RCAN2: variants seen among roughly 807,000 people sequenced by gnomAD.
The protein encoded by RCAN2 is regulator of calcineurin 2, also known as calcipressin-2.
In RCAN2, 9 loss-of-function variants were observed where a neutral mutation model predicts 23.6. The observed-to-expected ratio is 0.38, with a 90% CI of 0.23 to 0.67. The LOEUF (loss-of-function observed/expected upper bound fraction) is 0.67. Ranked by LOEUF, RCAN2 falls within the 30% of genes least tolerant of loss-of-function variation. RCAN2 has a pLI of 0.51. For synonymous variants in RCAN2, 109 were observed against 115.7 expected, an observed-to-expected ratio of 0.94 and a Z score of 0.37; for missense variants, 273 against 302.3, an observed-to-expected ratio of 0.90 and a Z score of 0.72.
At position 46,351,593 on chromosome 6, in the gene RCAN2, G is replaced by A. The variant is rs185356996; in HGVS notation, c.226-102697C>T. Among the ~76,000 whole-genome samples the A allele has an allele frequency of 5.3e-5, 8 of 152,284 alleles. No individual in the cohort carries two copies. The East Asian group carries it at 1.5e-3, about 29-fold the overall frequency. Reference sequence around the variant, plus strand: ...AGATACACAGGTGAGAAATTTAATAGCTCCTCTAGTAAACAGCACACATCA... The same window carrying A: ...AGATACACAGGTGAGAAATTTAATAACTCCTCTAGTAAACAGCACACATCA... On this transcript the variant is annotated intron_variant, in intron 2 of 4. Coordinates refer to ENST00000371374, the MANE Select transcript of RCAN2 (RefSeq NM_001251974.2).
chr6:46,398,312 A>T (rs1766150344), intron 2 of RCAN2, among the ~76,000 whole-genome samples: 1 of 152,304 alleles, frequency 6.6e-6, no homozygotes, highest in Admixed American at 6.5e-5. Context: ...TAATAAATGT[A>T]AGACGAAAAA....
intron 2 of RCAN2, among the ~76,000 whole-genome samples, chr6:46,258,316 G>A (rs1388875455): frequency 6.6e-6 from 1 of 152,192 alleles, no homozygotes; most frequent in Non-Finnish European, 1.5e-5. Context: ...GCATGTGAGA[G>A]TTCCCACAGC....
In RCAN2 at chr6:46,246,900, T is replaced by C; in HGVS notation, c.419A>G (p.Asp140Gly). ...YFAQVQTPET[D>G]GDKLHLAPPQ... ...TGGAGCCAAGTGCAGTTTGTCTCCA[T>C]CTGTCTCTGGAGTCTGAACCTTTCA... The change falls in exon 4 of 5, where the codon GAT becomes GGT. Residue 140 changes from aspartate to glycine, a missense_variant. By Grantham distance (94) the Asp-to-Gly change is moderately conservative (BLOSUM62 -1). Transcript: ENST00000371374. The C allele has an allele frequency of 6.3e-7, 1 of 1,590,458 alleles. No individual in the cohort carries two copies. Among genetic ancestry groups the C allele is most frequent in the Non-Finnish European group, 8.6e-7 (1 of 1,166,524 alleles).
chr6:46,413,860 G>A (rs187038803), intron 2 of RCAN2, among the ~76,000 whole-genome samples: 5 of 152,286 alleles, frequency 3.3e-5, no homozygotes, highest in Admixed American at 6.5e-5. Context: ...ACCTAATATC[G>A]TCGGTGGGAT....
chr6:46,433,672 C>T (rs1767280334), intron 2 of RCAN2, among the ~76,000 whole-genome samples: 1 of 152,134 alleles, frequency 6.6e-6, no homozygotes, highest in Non-Finnish European at 1.5e-5. Context: ...ATGGATTCTT[C>T]TCAAGAGCCT....
At chr6:46,412,343 T>C (rs989318920) in intron 2 of RCAN2, among the ~76,000 whole-genome samples, 1 of 152,130 alleles carries the variant, frequency 6.6e-6, no homozygotes, top group Non-Finnish European at 1.5e-5. Flanking sequence ...TTCCAACTTA[T>C]ATGGGAATGT....
chr6:46,397,925 T>A (rs572221177), intron 2 of RCAN2, among the ~76,000 whole-genome samples: 1 of 152,204 alleles, frequency 6.6e-6, no homozygotes, highest in African/African-American at 2.4e-5. Context: ...ATTCTACAGG[T>A]AAATAGACTT....
At chr6:46,468,959 C>T (rs953273185) in intron 1 of RCAN2, 5 of 399,734 alleles carry the variant, frequency 1.3e-5, no homozygotes, top group African/African-American at 4.3e-5. Flanking sequence ...AAGTCACTGC[C>T]CCCAGCTGCT....
intron 2 of RCAN2, among the ~76,000 whole-genome samples, chr6:46,323,187 T>C (rs1763672932): frequency 6.6e-6 from 1 of 152,146 alleles, no homozygotes; most frequent in Non-Finnish European, 1.5e-5. Flanking sequence ...TACCTATCAC[T>C]TTCAGAGAGT....
At chr6:46,445,266 C>T (rs190860175) in intron 2 of RCAN2, among the ~76,000 whole-genome samples, 267 of 152,230 alleles carry the variant, frequency 1.8e-3, no homozygotes, top group African/African-American at 6.2e-3. Context: ...CCAATCAATA[C>T]GTTTATCCCA....
intron 2 of RCAN2, among the ~76,000 whole-genome samples, chr6:46,445,743 T>A (rs1369939501): frequency 1.3e-5 from 2 of 152,030 alleles, no homozygotes; most frequent in East Asian, 3.9e-4. Context: ...ATTAAAAAAA[T>A]TCTAGAGCTG....
At chr6:46,278,287 A>T (rs1767780245) in intron 2 of RCAN2, among the ~76,000 whole-genome samples, 1 of 152,114 alleles carries the variant, frequency 6.6e-6, no homozygotes, top group Non-Finnish European at 1.5e-5. Flanking sequence ...AAAATAGAGT[A>T]ATACAAAGAA....
intron 2 of RCAN2, among the ~76,000 whole-genome samples, chr6:46,391,836 T>A (rs1268932349): frequency 2.0e-5 from 3 of 152,084 alleles, no homozygotes; most frequent in African/African-American, 7.2e-5. Context: ...CCTGAGACAC[T>A]GAGGTGGAGG....
intron 2 of RCAN2, among the ~76,000 whole-genome samples, chr6:46,255,888 T>G (rs1341450642): frequency 6.6e-6 from 1 of 152,148 alleles, no homozygotes; most frequent in African/African-American, 2.4e-5. Context: ...AGCCTAATAT[T>G]CTGGGCTTCA....
chr6:46,357,566 T>C (rs893672739), intron 2 of RCAN2, among the ~76,000 whole-genome samples: 3 of 152,226 alleles, frequency 2.0e-5, no homozygotes, highest in African/African-American at 7.2e-5. Flanking sequence ...ATATATTGCT[T>C]ATTGCATGTC....
intron 2 of RCAN2, among the ~76,000 whole-genome samples, chr6:46,363,812 A>AG (rs1366776583): frequency 6.6e-6 from 1 of 151,794 alleles, no homozygotes; most frequent in African/African-American, 2.4e-5. Context: ...CAAATAAAAA[A>AG]AATGCTAGGC....
chr6:46,264,852 C>T (rs1489165008), intron 2 of RCAN2, among the ~76,000 whole-genome samples: 1 of 152,146 alleles, frequency 6.6e-6, no homozygotes, highest in East Asian at 1.9e-4. Flanking sequence ...ATGCCAAGTC[C>T]ACACTAGGCC....
At chr6:46,431,023 A>C (rs1304262541) in intron 2 of RCAN2, among the ~76,000 whole-genome samples, 3 of 152,152 alleles carry the variant, frequency 2.0e-5, no homozygotes, top group Admixed American at 1.3e-4. Flanking sequence ...GAAGCAGAAT[A>C]TGGAAGCAGG....
At chr6:46,468,760 CTT>C (rs894027379) in intron 1 of RCAN2, 19 of 964,202 alleles carry the variant, frequency 2.0e-5, no homozygotes, top group Non-Finnish European at 2.2e-5. Context: ...TCTCCCCACT[CTT>C]TCTCTCTCTC....
Sources: gnomAD v4.1 joint callset for allele counts (sites outside exome capture counted in the v4.1 genomes callset) on GRCh38, gnomAD v4.1.1 for gene constraint, MANE v1.5 for transcripts, NCBI Gene and HGNC (gene_info 2026-07-23, HGNC 2026-07-21) for gene names.